The following PCDH15 variants were observed in gnomAD, a reference collection of about 807,000 sequenced individuals.
PCDH15 encodes protocadherin related 15, also known as protocadherin-15.
In PCDH15, 129 loss-of-function variants were observed where a neutral mutation model predicts 178.5. The ratio of observed to expected loss-of-function variants is 0.72; its 90% confidence interval spans 0.63 to 0.84. The LOEUF (loss-of-function observed/expected upper bound fraction) is 0.84, where lower values mean the gene tolerates loss of function less well. Among genes scored for constraint, PCDH15 ranks in the 40% least tolerant of loss-of-function variants. The pLI, the probability that PCDH15 is intolerant of heterozygous loss-of-function variation, is 0.00. For missense variants in PCDH15, 2,230 were observed against 2,099.9 expected (o/e 1.06, Z -1.21); for synonymous variants, 800 against 732.0 (o/e 1.09, Z -1.50).
intron 11 of PCDH15, among the ~76,000 whole-genome samples, chr10:54,190,101 C>T (rs1211930122): frequency 6.6e-6 from 1 of 152,130 alleles, no homozygotes; most frequent in Non-Finnish European, 1.5e-5. Flanking sequence ...TCACAACTCA[C>T]ATTCCTGGCT....
At chr10:55,428,348 A>T (rs2132053796) in intron 2 of PCDH15, among the ~76,000 whole-genome samples, 1 of 151,964 alleles carries the variant, frequency 6.6e-6, no homozygotes, top group African/African-American at 2.4e-5. Context: ...GTCAGTATGG[A>T]TAAAAAATTC....
chr10:54,422,695 C>T (rs1450196261), intron 3 of PCDH15, among the ~76,000 whole-genome samples: 3 of 152,172 alleles, frequency 2.0e-5, no homozygotes, highest in Admixed American at 2.0e-4. Flanking sequence ...TTGAGAATCA[C>T]AAATATAAAG....
chr10:55,147,750 G>A (rs1329501961), intron 2 of PCDH15, among the ~76,000 whole-genome samples: 3 of 151,186 alleles, frequency 2.0e-5, no homozygotes, highest in African/African-American at 7.3e-5. Flanking sequence ...CCATGCTGGT[G>A]TGCTGCACCA....
chr10:54,476,498 G>T (rs2078283127), intron 3 of PCDH15, among the ~76,000 whole-genome samples: 1 of 151,920 alleles, frequency 6.6e-6, no homozygotes, highest in African/African-American at 2.4e-5. Flanking sequence ...AGGTAATAAG[G>T]TAAATTATTT....
intron 9 of PCDH15, among the ~76,000 whole-genome samples, chr10:54,219,647 G>T (rs2052565219): frequency 6.8e-6 from 1 of 147,032 alleles, no homozygotes; most frequent in South Asian, 2.2e-4. Flanking sequence ...ATCCCAACGT[G>T]TGAACTTACA....
At chr10:54,332,927 T>G (rs1035451454) in intron 6 of PCDH15, among the ~76,000 whole-genome samples, 1 of 152,048 alleles carries the variant, frequency 6.6e-6, no homozygotes, top group African/African-American at 2.4e-5. Flanking sequence ...ATTTTACTTT[T>G]TATATGTATG....
intron 3 of PCDH15, among the ~76,000 whole-genome samples, chr10:54,413,052 G>A (rs954588080): frequency 1.3e-5 from 2 of 152,178 alleles, no homozygotes; most frequent in African/African-American, 2.4e-5. Flanking sequence ...TGTATTCCAC[G>A]AAAGAAGGGA....
intron 2 of PCDH15, among the ~76,000 whole-genome samples, chr10:55,066,314 TTA>T (rs1236473993): frequency 6.6e-6 from 1 of 151,126 alleles, no homozygotes; most frequent in Non-Finnish European, 1.5e-5. Flanking sequence ...TAATTTATAT[TTA>T]AGTTTTTTAC....
chr10:54,205,481 T>TGTGTGTGTGTGTGTG (rs2050698469), intron 10 of PCDH15, among the ~76,000 whole-genome samples: 1 of 135,088 alleles, frequency 7.4e-6, no homozygotes, highest in Admixed American at 7.7e-5. Context: ...TATATTTCCT[T>TGTGTGTGTGTGTGTG]TGTGTGTGTG....
chr10:53,943,633 T>A (rs1437939144), intron 23 of PCDH15, among the ~76,000 whole-genome samples: 1 of 152,138 alleles, frequency 6.6e-6, no homozygotes, highest in Non-Finnish European at 1.5e-5. Context: ...TTGGCATAAT[T>A]TAAGAAGACA....
rs148250562 is a variant in PCDH15, at chr10:53,987,630, C to T, written c.2868+8019G>A. 1.3e-3 allele frequency among the ~76,000 whole-genome samples: 198 copies of T among 152,024 alleles called. 1 individual carries two copies. Among genetic ancestry groups the T allele is most frequent in the African/African-American group, 4.4e-3 (181 of 41,460 alleles). On this transcript the variant is annotated intron_variant, in intron 21 of 37. Transcript: ENST00000644397. ...GTGAGTCATAAATAAATGTCATGTC[C>T]CCAGATGCCTCAGACACATGAAAAT...
chr10:55,560,529 C>G (rs1467327596), intron 2 of PCDH15, among the ~76,000 whole-genome samples: 1 of 151,820 alleles, frequency 6.6e-6, no homozygotes, highest in Non-Finnish European at 1.5e-5. Context: ...TATACTGAAA[C>G]TTAGGAAATC....
At position 53,804,704 on chromosome 10, in the gene PCDH15, T is replaced by C. The variant is rs1841047601; in HGVS notation, c.*1875A>G. 1 of 152,008 alleles carries C rather than the reference T, an allele frequency of 6.6e-6. No homozygotes were observed. Among genetic ancestry groups the C allele is most frequent in the Admixed American group, 6.6e-5 (1 of 15,226 alleles). The allele number at this position is 152,008 out of a possible 1,614,324, so 9.4% of individuals were successfully genotyped here. Reference sequence around the variant, plus strand: ...ATTCGATGACCTCTGATTGAATTAGTAGGGAAATATATGCTTAATCTAATT... The same window carrying C: ...ATTCGATGACCTCTGATTGAATTAGCAGGGAAATATATGCTTAATCTAATT... On this transcript the variant is annotated 3_prime_UTR_variant, in exon 38 of 38. Transcript: ENST00000644397.
chr10:53,840,025 C>G (rs1047094611), intron 29 of PCDH15, among the ~76,000 whole-genome samples: 2 of 152,150 alleles, frequency 1.3e-5, no homozygotes, highest in African/African-American at 4.8e-5. Context: ...TGCCCTTGAG[C>G]AAGAGTGAGG....
At chr10:54,621,366 A>G (rs2093343856) in intron 2 of PCDH15, among the ~76,000 whole-genome samples, 1 of 151,916 alleles carries the variant, frequency 6.6e-6, no homozygotes, top group Admixed American at 6.6e-5. Context: ...TACCTCCTCA[A>G]GATTATTTTT....
chr10:55,195,045 A>G (rs1412447769), intron 1 of PCDH15, among the ~76,000 whole-genome samples: 1 of 146,116 alleles, frequency 6.8e-6, no homozygotes. Context: ...TTTTTTGGAG[A>G]CGGAGTCTTG....
chr10:54,571,333 GAAAAAAAAAAA>G (rs60604711), intron 2 of PCDH15, among the ~76,000 whole-genome samples: 115 of 128,574 alleles, frequency 8.9e-4, no homozygotes, highest in African/African-American at 2.1e-3. Context: ...GACAAAATTT[GAAAAAAAAAAA>G]AAAAAAAAAA....
intron 12 of PCDH15, among the ~76,000 whole-genome samples, chr10:54,184,364 T>C (rs1203655248): frequency 6.7e-6 from 1 of 150,158 alleles, no homozygotes; most frequent in Admixed American, 6.7e-5. Flanking sequence ...GATTCAAAAA[T>C]TGGGATATAA....
chr10:55,244,840 G>A (rs2132216565), intron 1 of PCDH15, among the ~76,000 whole-genome samples: 1 of 151,386 alleles, frequency 6.6e-6, no homozygotes, highest in African/African-American at 2.4e-5. Context: ...CATTGAAAAA[G>A]TCTGAAGAAA....
Sources: gnomAD v4.1 joint callset for allele counts (sites outside exome capture counted in the v4.1 genomes callset) on GRCh38, gnomAD v4.1.1 for gene constraint, MANE v1.5 for transcripts, NCBI Gene and HGNC (gene_info 2026-07-23, HGNC 2026-07-21) for gene names.